The following LRMDA variants were observed in gnomAD, a reference collection of about 807,000 sequenced individuals.
LRMDA encodes the protein leucine rich melanocyte differentiation associated, also known as leucine-rich melanocyte differentiation-associated protein.
LRMDA carries 18 observed loss-of-function variants against 29.8 expected under a neutral mutation model. The observed-to-expected ratio is 0.60, with a 90% CI of 0.42 to 0.90. LRMDA has a LOEUF of 0.90. LRMDA is among the 40% of genes least tolerant of loss of function. The pLI is 0.00. For synonymous variants in LRMDA, 125 were observed against 109.4 expected, an observed-to-expected ratio of 1.14 and a Z score of -0.89; for missense variants, 273 against 273.9, an observed-to-expected ratio of 1.00 and a Z score of 0.02.
intron 2 of LRMDA, among the ~76,000 whole-genome samples, chr10:75,685,365 T>C (rs1842068968): frequency 6.6e-6 from 1 of 152,196 alleles, no homozygotes; most frequent in Admixed American, 6.5e-5. Context: ...CAAGGTATTC[T>C]TCCAGTGGTC....
intron 2 of LRMDA, among the ~76,000 whole-genome samples, chr10:75,528,527 A>C (rs1487335992): frequency 6.6e-6 from 1 of 152,234 alleles, no homozygotes; most frequent in East Asian, 1.9e-4. Context: ...GCAGGGGTTG[A>C]GAAGACATTG....
intron 5 of LRMDA, among the ~76,000 whole-genome samples, chr10:76,272,374 C>T (rs986996841): frequency 2.6e-5 from 4 of 152,168 alleles, no homozygotes; most frequent in African/African-American, 9.7e-5. Flanking sequence ...CCAGATAGTT[C>T]TACAGCTCTT....
chr10:76,228,321 TG>T (rs1289332608), intron 5 of LRMDA, among the ~76,000 whole-genome samples: 1 of 152,140 alleles, frequency 6.6e-6, no homozygotes, highest in East Asian at 1.9e-4. Context: ...AGGAAATTGT[TG>T]GTCATTTAAT....
intron 2 of LRMDA, among the ~76,000 whole-genome samples, chr10:75,659,670 G>C (rs1363093108): frequency 6.6e-6 from 1 of 152,146 alleles, no homozygotes; most frequent in African/African-American, 2.4e-5. Context: ...TTGGTCAAAG[G>C]ATACAAACTT....
chr10:76,189,721 A>G lies in LRMDA; in HGVS notation c.516+130938A>G, dbSNP rs537511791. On this transcript the variant is annotated intron_variant, in intron 5 of 6. Coordinates refer to ENST00000611255, the MANE Select transcript of LRMDA (RefSeq NM_001305581.2). ...AATTTAAATGTCCCACAGTGTTCCT[A>G]TGTGTTTGCTGTGGTGACCCAGGGC... is the stretch of plus-strand genomic sequence containing the variant. Among the ~76,000 whole-genome samples, 4 of 152,300 alleles carry G rather than the reference A, an allele frequency of 2.6e-5. No homozygotes were observed. In the South Asian group the frequency reaches 6.2e-4, roughly 24 times the overall value.
chr10:76,145,097 T>C (rs974759568), intron 5 of LRMDA, among the ~76,000 whole-genome samples: 1 of 152,218 alleles, frequency 6.6e-6, no homozygotes, highest in Non-Finnish European at 1.5e-5. Flanking sequence ...GGTTTGCCAG[T>C]ATTTTATTGA....
At chr10:76,326,830 G>A (rs1840839234) in intron 6 of LRMDA, among the ~76,000 whole-genome samples, 1 of 152,134 alleles carries the variant, frequency 6.6e-6, no homozygotes, top group African/African-American at 2.4e-5. Context: ...GGAGACCTGG[G>A]ACTCAATTTT....
chr10:75,924,930 GTC>G (rs1846093886), intron 2 of LRMDA, among the ~76,000 whole-genome samples: 1 of 152,224 alleles, frequency 6.6e-6, no homozygotes. Context: ...ATTTAAGAGA[GTC>G]ACATGCTCGT....
chr10:76,411,309 G>A lies in LRMDA; in HGVS notation c.601+86824G>A, dbSNP rs561979849. 3.3e-5 allele frequency among the ~76,000 whole-genome samples: 5 copies of A among 152,280 alleles called. No individual in the cohort carries two copies. In the South Asian group the frequency reaches 6.2e-4, roughly 19 times the overall value. Reference sequence around the variant, plus strand: ...TTGAGGATGGCTCTCCATAGTATACGTGGTTCAGACCAGATTTCATCCAGA... The same window carrying A: ...TTGAGGATGGCTCTCCATAGTATACATGGTTCAGACCAGATTTCATCCAGA... On this transcript the variant is annotated intron_variant, in intron 6 of 6. Coordinates refer to ENST00000611255, the MANE Select transcript of LRMDA (RefSeq NM_001305581.2).
intron 2 of LRMDA, among the ~76,000 whole-genome samples, chr10:75,789,503 T>C (rs1843529741): frequency 1.3e-5 from 2 of 152,192 alleles, no homozygotes; most frequent in East Asian, 1.9e-4. Context: ...TCACTGCCCC[T>C]AGGGGTAGGT....
At chr10:76,543,352 GTGTGTGTGT>G (rs2132387292) in intron 6 of LRMDA, among the ~76,000 whole-genome samples, 1 of 128,280 alleles carries the variant, frequency 7.8e-6, no homozygotes, top group South Asian at 2.3e-4. Context: ...GTGTGTGTGT[GTGTGTGTGT>G]AGAGAGTGAT....
chr10:76,322,574 C>T (rs17449867), intron 5 of LRMDA, among the ~76,000 whole-genome samples: 5,272 of 152,294 alleles, frequency 0.035, 132 homozygotes, highest in Non-Finnish European at 0.051. Flanking sequence ...CGCTTGGTTA[C>T]AGAATTCTAA....
intron 5 of LRMDA, among the ~76,000 whole-genome samples, chr10:76,286,889 G>A (rs1397560967): frequency 6.6e-6 from 1 of 152,130 alleles, no homozygotes; most frequent in Non-Finnish European, 1.5e-5. Flanking sequence ...GCAGCTCTGC[G>A]CATCTTGACA....
intron 2 of LRMDA, among the ~76,000 whole-genome samples, chr10:75,442,000 C>G (rs1188416215): frequency 2.6e-5 from 4 of 152,222 alleles, no homozygotes; most frequent in African/African-American, 9.6e-5. Flanking sequence ...AAGAAAGTCT[C>G]ATTTACACCA....
intron 2 of LRMDA, among the ~76,000 whole-genome samples, chr10:76,022,166 C>G (rs191482700): frequency 6.6e-6 from 1 of 152,130 alleles, no homozygotes; most frequent in Non-Finnish European, 1.5e-5. Flanking sequence ...TAACAGTGGT[C>G]GTCTGTTTAT....
chr10:76,537,726 C>A (rs1436003450), intron 6 of LRMDA, among the ~76,000 whole-genome samples: 2 of 152,038 alleles, frequency 1.3e-5, no homozygotes, highest in African/African-American at 4.8e-5. Flanking sequence ...GATAATACCC[C>A]CATCTGCAAA....
At chr10:75,471,428 C>A (rs1433995813) in intron 2 of LRMDA, among the ~76,000 whole-genome samples, 1 of 152,036 alleles carries the variant, frequency 6.6e-6, no homozygotes, top group Non-Finnish European at 1.5e-5. Flanking sequence ...TTTAGCAACC[C>A]TAAGGGATTG....
At chr10:75,999,891 A>C (rs1847532336) in intron 2 of LRMDA, among the ~76,000 whole-genome samples, 1 of 152,182 alleles carries the variant, frequency 6.6e-6, no homozygotes, top group African/African-American at 2.4e-5. Flanking sequence ...TCTTTGTCTG[A>C]TTATACATGA....
intron 2 of LRMDA, among the ~76,000 whole-genome samples, chr10:75,931,138 A>T (rs1026941613): frequency 2.0e-5 from 3 of 152,186 alleles, no homozygotes; most frequent in Non-Finnish European, 4.4e-5. Context: ...TTACTCTAAA[A>T]ACAAGTTGAA....
Sources: gnomAD v4.1 joint callset for allele counts (sites outside exome capture counted in the v4.1 genomes callset) on GRCh38, gnomAD v4.1.1 for gene constraint, MANE v1.5 for transcripts, NCBI Gene and HGNC (gene_info 2026-07-23, HGNC 2026-07-21) for gene names.